Variants in HTD2 observed in about 807,000 individuals in gnomAD.
HTD2 encodes hydroxyacyl-thioester dehydratase type 2.
Under a neutral mutation model 3.1 loss-of-function variants are expected in HTD2, and 1 was observed. That is an observed-to-expected ratio of 0.32 (90% CI 0.11 to 1.52). HTD2 has a LOEUF of 1.52. HTD2 is among the 40% of genes most tolerant of loss of function. HTD2 has a pLI of 0.39. For synonymous variants in HTD2, 50 were observed against 28.9 expected, an observed-to-expected ratio of 1.73 and a Z score of -2.34; for missense variants, 150 against 79.6, an observed-to-expected ratio of 1.88 and a Z score of -3.36.
chr3:58,310,305 G>A (rs916182330), intron 1 of HTD2: 5 of 1,606,594 alleles, frequency 3.1e-6, no homozygotes, highest in African/African-American at 2.7e-5. Flanking sequence ...TTGACTTACT[G>A]TAGGTGTGAT....
intron 2 of HTD2, among the ~76,000 whole-genome samples, chr3:58,312,687 G>A (rs1321918722): frequency 6.6e-6 from 1 of 152,060 alleles, no homozygotes. Flanking sequence ...TGGGCCAGGC[G>A]CAGTGGCTCA....
chr3:58,314,836 C>T lies in HTD2; in HGVS notation c.-330-1679C>T, dbSNP rs1575546973. 3.9e-5 allele frequency among the ~76,000 whole-genome samples: 6 copies of T among 152,022 alleles called. No individual in the cohort carries two copies. In the South Asian group the frequency reaches 1.2e-3, roughly 32 times the overall value. ...AGTAGCTAGGACTACAGGCACACAC[C>T]ACCACACCCAGCTAATTTTTTTGTA... On this transcript the variant is annotated intron_variant, in intron 2 of 4. Coordinates refer to ENST00000461393, the MANE Select transcript of HTD2 (RefSeq NM_001348712.2).
At chr3:58,307,648 C>CTGGAGTGCAGTA (rs1170567070) in intron 1 of HTD2, 1 of 152,130 alleles carries the variant, frequency 6.6e-6, no homozygotes, top group African/African-American at 2.4e-5. Context: ...ATTGCTTCGA[C>CTGGAGTGCAGTA]CCAAAGCACT....
chr3:58,310,397 A>G (rs780397828), intron 1 of HTD2, 110 bp from the exon 2 acceptor site: 2 of 1,614,060 alleles, frequency 1.2e-6, no homozygotes, highest in Admixed American at 3.3e-5. Context: ...CACTACATGA[A>G]AGTCTGCCTG....
chr3:58,311,357 G>A (rs145804236), intron 2 of HTD2, among the ~76,000 whole-genome samples: 1 of 152,314 alleles, frequency 6.6e-6, no homozygotes, highest in African/African-American at 2.4e-5. Flanking sequence ...GTTTCGTCAT[G>A]TTGGCCAGGC....
intron 2 of HTD2, among the ~76,000 whole-genome samples, chr3:58,315,310 C>T (rs2097487106): frequency 6.7e-6 from 1 of 149,848 alleles, no homozygotes; most frequent in South Asian, 2.1e-4. Context: ...TGGGTGTTTC[C>T]ATTTATAGAA....
Position 58,317,690 on chromosome 3 carries a change from T to C in HTD2, c.77T>C (p.Leu26Pro), listed in dbSNP as rs760313078. The C allele has an allele frequency of 2.8e-6, 2 of 704,752 alleles. No individual in the cohort carries two copies. The highest frequency in any genetic ancestry group is 2.0e-5 in the Admixed American group (1 of 50,008). 43.7% of individuals were successfully genotyped at this position (704,752 alleles called of 1,614,324 possible). The change falls in exon 5 of 5, where the codon CTG (leucine) becomes CCG (proline). Residue 26 changes from leucine (L) to proline (P), a missense_variant. By Grantham distance (98) the Leu-to-Pro change is moderately conservative. Transcript: ENST00000461393. The stretch of plus-strand genomic sequence containing the variant: ...ACAGTCTGTCTGAACCTGCCAGTGC[T>C]GACCCTGCAGCACTTTCAGCATATG... ...RRTVCLNLPV[L>P]TLQHFQHMHI...
chr3:58,318,356 G>GT lies in HTD2; in HGVS notation c.*242dup. 1 of 393,268 alleles carries GT rather than the reference G, an allele frequency of 2.5e-6. No individual in the cohort carries two copies. The highest frequency in any genetic ancestry group is 2.1e-5 in the African/African-American group (1 of 48,158). The allele number at this position is 393,268 out of a possible 1,614,324, so 24.4% of individuals were successfully genotyped here. On this transcript the variant is annotated 3_prime_UTR_variant, in exon 5 of 5. Transcript: ENST00000461393. ...TGCCTGGGTTTTTTGTTTGTTTTTTGTTTTTTAATTCAAGAAGTAGGCTGG... is the reference window on the plus strand; with the variant it reads ...TGCCTGGGTTTTTTGTTTGTTTTTTGTTTTTTTAATTCAAGAAGTAGGCTGG...
At chr3:58,312,332 G>GCCCCGC (rs1217680908) in intron 2 of HTD2, among the ~76,000 whole-genome samples, 1 of 85,326 alleles carries the variant, frequency 1.2e-5, no homozygotes, top group African/African-American at 4.1e-5. Flanking sequence ...CACAACCTCC[G>GCCCCGC]CACCCCCCCC....
intron 4 of HTD2, among the ~76,000 whole-genome samples, 165 bp from the exon 5 acceptor site, chr3:58,317,275 T>A (rs752252094): frequency 2.0e-5 from 3 of 152,218 alleles, no homozygotes; most frequent in Non-Finnish European, 4.4e-5. Context: ...TGGTACGCTC[T>A]TTTTGAGATG....
At chr3:58,316,616 T>G in intron 3 of HTD2, 25 bp downstream of exon 3, 7 of 1,574,000 alleles carry the variant, frequency 4.4e-6, no homozygotes, top group South Asian at 2.2e-5. Context: ...GGGAAATTTC[T>G]AGTATAACAG....
chr3:58,317,014 T>C (rs1465588614), intron 4 of HTD2, 21 bp downstream of exon 4: 2 of 1,574,384 alleles, frequency 1.3e-6, no homozygotes, highest in Non-Finnish European at 1.7e-6. Flanking sequence ...TTCCCTCACA[T>C]ATTCCAAACA....
intron 2 of HTD2, among the ~76,000 whole-genome samples, chr3:58,314,243 C>T (rs575572880): frequency 1.3e-5 from 2 of 152,190 alleles, no homozygotes; most frequent in South Asian, 2.1e-4. Context: ...CCCAGCTACT[C>T]GGGAGGTTAA....
In HTD2 at chr3:58,318,516, A is replaced by AG. The variant is rs2097490879; in HGVS notation, c.*397dup. 6.9e-6 allele frequency: 1 copy of AG among 144,176 alleles called. No homozygotes were observed. Among genetic ancestry groups the AG allele is most frequent in the South Asian group, 2.1e-4 (1 of 4,860 alleles). The allele number at this position is 144,176 out of a possible 1,614,324, so 8.9% of individuals were successfully genotyped here. On this transcript the variant is annotated 3_prime_UTR_variant, in exon 5 of 5. Coordinates refer to ENST00000461393, the MANE Select transcript of HTD2 (RefSeq NM_001348712.2). Reference sequence around the variant, plus strand: ...CTACCAAAAAAAAAAAAAAAAAAAAAGTGCAACTAGCTGTGCTTGGTGACT... The same window carrying AG: ...CTACCAAAAAAAAAAAAAAAAAAAAAGGTGCAACTAGCTGTGCTTGGTGACT...
chr3:58,317,342 C>T (rs3773012), intron 4 of HTD2, 98 bp from the exon 5 acceptor site: 220,956 of 778,570 alleles, frequency 0.28, 39,442 homozygotes, highest in East Asian at 0.79. Context: ...GCTCCTGCAT[C>T]AGCTTTGTTT....
chr3:58,308,948 C>G (rs1025410914), intron 1 of HTD2, among the ~76,000 whole-genome samples: 2 of 152,244 alleles, frequency 1.3e-5, no homozygotes, highest in African/African-American at 4.8e-5. Flanking sequence ...AAGGAACTGT[C>G]TACAGAGAGA....
intron 2 of HTD2, 78 bp downstream of exon 2, chr3:58,310,669 AC>A: frequency 7.9e-7 from 1 of 1,260,040 alleles, no homozygotes. Context: ...GCGGTAGCTC[AC>A]GCCTGTAATC....
Position 58,317,813 on chromosome 3 carries a change from A to G in HTD2, c.200A>G (p.His67Arg), listed in dbSNP as rs1253507973. 2.8e-6 allele frequency: 2 copies of G among 703,056 alleles called. No homozygotes were observed. The highest frequency in any genetic ancestry group is 4.0e-5 in the Admixed American group (2 of 50,006). 43.6% of individuals were successfully genotyped at this position (703,056 alleles called of 1,614,324 possible). A position where few individuals can be genotyped will look rare whatever the true frequency, so the allele number is the denominator to read the frequency against. ...SELTGDVNPL[H>R]LNEDFAKHTK... ...TTAACAGGGGATGTCAATCCTTTGC[A>G]TTTGAATGAAGACTTTGCAAAACAC... is the stretch of plus-strand genomic sequence containing the variant. The change falls in exon 5 of 5, where the codon CAT becomes CGT. Residue 67 changes from histidine to arginine, a missense_variant. Coordinates refer to ENST00000461393, the MANE Select transcript of HTD2 (RefSeq NM_001348712.2).
rs771560850 is a variant in HTD2 at position 58,319,329 on chromosome 3, T to A, written c.*1209T>A. 6 of 152,338 alleles carry A rather than the reference T, an allele frequency of 3.9e-5. No individual in the cohort carries two copies. The highest frequency in any genetic ancestry group is 8.8e-5 in the Non-Finnish European group (6 of 68,044). The allele number at this position is 152,338 out of a possible 1,614,324, so 9.4% of individuals were successfully genotyped here. On this transcript the variant is annotated 3_prime_UTR_variant, in exon 5 of 5. Coordinates refer to ENST00000461393, the MANE Select transcript of HTD2 (RefSeq NM_001348712.2). Reference sequence around the variant, plus strand: ...TCAGTTATGTAAACGGTCTGATCTGTAAAATAGTGGTAGCACATGCCATGT... The same window carrying A: ...TCAGTTATGTAAACGGTCTGATCTGAAAAATAGTGGTAGCACATGCCATGT...
Sources: gnomAD v4.1 joint callset for allele counts (sites outside exome capture counted in the v4.1 genomes callset) on GRCh38, gnomAD v4.1.1 for gene constraint, MANE v1.5 for transcripts, NCBI Gene and HGNC (gene_info 2026-07-23, HGNC 2026-07-21) for gene names.